The following ACTA2 variants were observed in gnomAD, a reference collection of about 807,000 sequenced individuals.
The protein encoded by ACTA2 is actin, aortic smooth muscle.
ACTA2 carries 12 observed loss-of-function variants against 39.5 expected under a neutral mutation model. The observed-to-expected ratio is 0.30, with a 90% confidence interval of 0.19 to 0.49. The LOEUF is 0.49. Among genes scored for constraint, ACTA2 ranks in the 20% least tolerant of loss-of-function variants. ACTA2 has a pLI of 0.99. For missense variants in ACTA2, 236 were observed against 498.8 expected (o/e 0.47, Z 5.02); for synonymous variants, 158 against 180.6 (o/e 0.88, Z 1.00).
At chr10:88,960,045 A>G (rs1412673723) in intron 1 of ACTA2, among the ~76,000 whole-genome samples, 1 of 152,174 alleles carries the variant, frequency 6.6e-6, no homozygotes, top group African/African-American at 2.4e-5. Flanking sequence ...TCACTTGACT[A>G]ATGTTTGCCA....
At chr10:88,959,691 A>T (rs1339106420) in intron 1 of ACTA2, among the ~76,000 whole-genome samples, 1 of 152,196 alleles carries the variant, frequency 6.6e-6, no homozygotes, top group East Asian at 1.9e-4. Flanking sequence ...TTTTTAAGGA[A>T]TCTTCAGAAT....
chr10:88,986,621 T>TGGAAGTAGTACAGAAA (rs1200905345), intron 1 of ACTA2, among the ~76,000 whole-genome samples: 1 of 151,936 alleles, frequency 6.6e-6, no homozygotes, highest in Non-Finnish European at 1.5e-5. Context: ...AATGTGAGCA[T>TGGAAGTAGTACAGAAA]GGAAGTAGTA....
chr10:88,939,105 T>C (rs1845800649), intron 7 of ACTA2, among the ~76,000 whole-genome samples: 1 of 152,152 alleles, frequency 6.6e-6, no homozygotes, highest in African/African-American at 2.4e-5. Flanking sequence ...TAAACAACTA[T>C]GCAAACCTGT....
chr10:88,962,912 C>CATATATATAT (rs60878394), intron 1 of ACTA2, among the ~76,000 whole-genome samples: 1 of 101,612 alleles, frequency 9.8e-6, no homozygotes, highest in Non-Finnish European at 2.0e-5. Flanking sequence ...GGGAATGCCC[C>CATATATATAT]ATATATATAT....
intron 1 of ACTA2, among the ~76,000 whole-genome samples, chr10:88,952,352 A>T (rs998799211): frequency 6.6e-6 from 1 of 152,154 alleles, no homozygotes; most frequent in African/African-American, 2.4e-5. Context: ...AACAAATCAG[A>T]ACCAGAAAGA....
At chr10:88,974,955 T>C (rs1478910302) in intron 1 of ACTA2, 1 of 152,232 alleles carries the variant, frequency 6.6e-6, no homozygotes, top group East Asian at 1.9e-4. Context: ...GCCATTTACT[T>C]CACCTCTCAA....
At chr10:88,967,255 G>A (rs1474667883) in intron 1 of ACTA2, among the ~76,000 whole-genome samples, 1 of 152,264 alleles carries the variant, frequency 6.6e-6, no homozygotes, top group East Asian at 1.9e-4. Context: ...GTTGGAACAG[G>A]ACAAGACTCT....
rs72809340 is a variant in ACTA2 at position 88,949,414 on chromosome 10, C to T, written c.-23-461G>A. 0.1 allele frequency among the ~76,000 whole-genome samples: 15,551 copies of T among 152,052 alleles called. 1,046 individuals carry two copies. Among genetic ancestry groups the T allele is most frequent in the Non-Finnish European group, 0.15 (10,261 of 67,958 alleles). On this transcript the variant is annotated intron_variant, in intron 1 of 8. Transcript: ENST00000224784. ...ATGCTATACCTTTTTGAAATTTTTT[C>T]AAAAAGCTAGATTTTTGAGGGACAG...
At chr10:88,936,708 G>A (rs570312629) in intron 8 of ACTA2, among the ~76,000 whole-genome samples, 1 of 152,282 alleles carries the variant, frequency 6.6e-6, no homozygotes, top group South Asian at 2.1e-4. Flanking sequence ...ACAGCCTGCT[G>A]AACTGTGAGC....
chr10:88,935,408 T>C, intron 8 of ACTA2, 42 bp from the exon 9 acceptor site: 3 of 1,610,206 alleles, frequency 1.9e-6, no homozygotes, highest in Middle Eastern at 1.7e-4. Context: ...AATGTCATCA[T>C]TAGTGCAGTC....
At chr10:88,973,383 ATCTT>A in intron 1 of ACTA2, 1 of 1,435,282 alleles carries the variant, frequency 7.0e-7, no homozygotes, top group Non-Finnish European at 9.2e-7. Context: ...AATTGTGAAA[ATCTT>A]TCATAGAGTT....
chr10:88,938,012 G>A (rs1185368772), intron 8 of ACTA2, 49 bp downstream of exon 8: 1 of 1,605,468 alleles, frequency 6.2e-7, no homozygotes, highest in South Asian at 1.1e-5. Context: ...GTGGTTATAG[G>A]GCTGACACTG....
At chr10:88,971,530 T>G (rs1846447530) in intron 1 of ACTA2, among the ~76,000 whole-genome samples, 1 of 152,220 alleles carries the variant, frequency 6.6e-6, no homozygotes, top group African/African-American at 2.4e-5. Flanking sequence ...GATACAGGTT[T>G]AGATCCAGAT....
At chr10:88,983,623 A>C (rs1403038578) in intron 1 of ACTA2, among the ~76,000 whole-genome samples, 2 of 147,012 alleles carry the variant, frequency 1.4e-5, no homozygotes, top group Middle Eastern at 3.2e-3. Flanking sequence ...AAAAAAAAAA[A>C]AAAAAAAAAA....
At chr10:88,977,419 G>A (rs1376627119) in intron 1 of ACTA2, among the ~76,000 whole-genome samples, 2 of 151,582 alleles carry the variant, frequency 1.3e-5, no homozygotes, top group East Asian at 3.9e-4. Flanking sequence ...ATTAAATAGG[G>A]AATCCTTTCC....
At chr10:88,958,969 T>A (rs986169155) in intron 1 of ACTA2, among the ~76,000 whole-genome samples, 1 of 152,188 alleles carries the variant, frequency 6.6e-6, no homozygotes, top group African/African-American at 2.4e-5. Context: ...TGTATATTAC[T>A]CATAGGGACT....
intron 1 of ACTA2, among the ~76,000 whole-genome samples, chr10:88,963,414 G>T (rs2902337): frequency 2.6e-5 from 2 of 77,848 alleles, no homozygotes; most frequent in African/African-American, 4.5e-5. Flanking sequence ...TTTCTTACTC[G>T]TCAGGAGTAA....
chr10:88,952,261 A>G (rs564512815), intron 1 of ACTA2, among the ~76,000 whole-genome samples: 66 of 152,236 alleles, frequency 4.3e-4, no homozygotes, highest in Non-Finnish European at 8.8e-4. Context: ...CTAGGCAACT[A>G]TTCTTCTGTT....
At chr10:88,958,247 T>TTGAAC (rs759945413) in intron 1 of ACTA2, among the ~76,000 whole-genome samples, 3 of 152,210 alleles carry the variant, frequency 2.0e-5, no homozygotes, top group Non-Finnish European at 4.4e-5. Context: ...TAAATGTTGA[T>TTGAAC]TGAACTGAAC....
Sources: gnomAD v4.1 joint callset for allele counts (sites outside exome capture counted in the v4.1 genomes callset) on GRCh38, gnomAD v4.1.1 for gene constraint, MANE v1.5 for transcripts, NCBI Gene and HGNC (gene_info 2026-07-23, HGNC 2026-07-21) for gene names.